The following CDH18 variants were observed in gnomAD, a reference collection of about 807,000 sequenced individuals.
CDH18 encodes cadherin 18.
A neutral mutation model predicts 67.9 loss-of-function variants in CDH18; 31 were observed. The ratio of observed to expected loss-of-function variants is 0.46; its 90% CI spans 0.34 to 0.62. CDH18 has a LOEUF of 0.62. Ranked by LOEUF, CDH18 falls within the 20% of genes least tolerant of loss-of-function variation. The pLI, the probability that CDH18 is intolerant of heterozygous loss-of-function variation, is 0.01. For synonymous variants in CDH18, 362 were observed against 347.2 expected (o/e 1.04, Z -0.48); for missense variants, 890 against 975.5 (o/e 0.91, Z 1.17).
rs370176295 is a variant in CDH18 at position 20,138,089 on chromosome 5, G to A, written c.-518+117355C>T. ...AATAAAATACTGGCAAACCGAATCC[G>A]GCAGCACATCAAAAAGCTTATCCAC... On this transcript the variant is annotated intron_variant, in intron 2 of 14. Coordinates refer to the CDH18 transcript ENST00000507958. Among the ~76,000 whole-genome samples, 134 of 151,814 alleles carry A rather than the reference G, an allele frequency of 8.8e-4. No homozygotes were observed. The South Asian group carries it at 0.017, about 20-fold the overall frequency.
chr5:20,383,898 T>C (rs1744104768), intron 1 of CDH18, among the ~76,000 whole-genome samples: 1 of 152,074 alleles, frequency 6.6e-6, no homozygotes, highest in African/African-American at 2.4e-5. Flanking sequence ...AATACAGGAA[T>C]TGATATATAA....
At chr5:20,552,185 A>G (rs1757668727) in intron 1 of CDH18, among the ~76,000 whole-genome samples, 1 of 152,098 alleles carries the variant, frequency 6.6e-6, no homozygotes, top group Non-Finnish European at 1.5e-5. Context: ...ATTAAAAAAA[A>G]AAAGCATTCA....
At chr5:20,117,331 A>T (rs1748007969) in intron 2 of CDH18, among the ~76,000 whole-genome samples, 1 of 152,176 alleles carries the variant, frequency 6.6e-6, no homozygotes, top group Non-Finnish European at 1.5e-5. Context: ...AAGTATGCCA[A>T]GAAAAATGAA....
intron 2 of CDH18, among the ~76,000 whole-genome samples, chr5:20,205,193 T>C (rs10044776): frequency 0.082 from 12,475 of 151,976 alleles, 807 homozygotes; most frequent in African/African-American, 0.17. Flanking sequence ...TTAAAACCGA[T>C]ATTACATGCA....
intron 2 of CDH18, among the ~76,000 whole-genome samples, chr5:19,925,580 C>G (rs1792992291): frequency 6.6e-6 from 1 of 152,028 alleles, no homozygotes; most frequent in Non-Finnish European, 1.5e-5. Context: ...CCTCTGCCTC[C>G]TGGGTTCAAG....
intron 2 of CDH18, among the ~76,000 whole-genome samples, chr5:19,846,703 T>C (rs1459978923): frequency 6.6e-6 from 1 of 152,096 alleles, no homozygotes; most frequent in Non-Finnish European, 1.5e-5. Context: ...AAACTGAACT[T>C]CCATATATAC....
chr5:19,839,255 G>A lies in CDH18; in HGVS notation c.-256-13C>T. ...AACCATTTTCAACCTAATGGAAAGA[G>A]AAAATTATATGTGTTACAAAACACG... On this transcript the variant is annotated splice_polypyrimidine_tract_variant and intron_variant, in intron 2 of 12. Transcript: ENST00000382275. The A allele has an allele frequency of 2.5e-6, 1 of 406,194 alleles. No individual in the cohort carries two copies. Among genetic ancestry groups the A allele is most frequent in the South Asian group, 3.5e-5 (1 of 28,634 alleles). The allele number at this position is 406,194 out of a possible 1,614,324, so 25.2% of individuals were successfully genotyped here.
At position 19,610,880 on chromosome 5, in the gene CDH18, C is replaced by A. The variant is rs191523650; in HGVS notation, c.811+1554G>T. Reference sequence around the variant, plus strand: ...ATGGCTCAATAAAATATGGACTTACCTATGATATATACTTTCTTCATAGAG... The same window carrying A: ...ATGGCTCAATAAAATATGGACTTACATATGATATATACTTTCTTCATAGAG... On this transcript the variant is annotated intron_variant, in intron 6 of 12. Transcript: ENST00000382275. Among the ~76,000 whole-genome samples, 19 of 152,144 alleles carry A rather than the reference C, an allele frequency of 1.2e-4. No homozygotes were observed. The East Asian group carries it at 3.7e-3, about 29-fold the overall frequency.
intron 1 of CDH18, among the ~76,000 whole-genome samples, chr5:20,345,723 T>C (rs973509652): frequency 2.0e-5 from 3 of 151,948 alleles, no homozygotes; most frequent in Admixed American, 6.6e-5. Context: ...CCTGAAAAAA[T>C]CCACCTCATA....
intron 9 of CDH18, among the ~76,000 whole-genome samples, chr5:19,540,220 T>C (rs1750038298): frequency 6.6e-6 from 1 of 152,072 alleles, no homozygotes; most frequent in Non-Finnish European, 1.5e-5. Flanking sequence ...AGTTCCAAAA[T>C]GATCTCCCTT....
At chr5:19,656,745 A>T (rs1271185859) in intron 5 of CDH18, among the ~76,000 whole-genome samples, 1 of 152,134 alleles carries the variant, frequency 6.6e-6, no homozygotes, top group Non-Finnish European at 1.5e-5. Context: ...ATGTTTATAC[A>T]TAGAGTAACA....
At chr5:19,635,395 T>C (rs1752993507) in intron 5 of CDH18, among the ~76,000 whole-genome samples, 1 of 152,194 alleles carries the variant, frequency 6.6e-6, no homozygotes. Flanking sequence ...AAAATACATA[T>C]GGAAACTCTA....
intron 2 of CDH18, among the ~76,000 whole-genome samples, chr5:19,920,893 G>GCACACACACA (rs70954622): frequency 0.33 from 47,809 of 145,956 alleles, 8,195 homozygotes; most frequent in South Asian, 0.42. Flanking sequence ...ACCCACAAGA[G>GCACACACACA]CACACACACA....
intron 1 of CDH18, among the ~76,000 whole-genome samples, chr5:20,388,132 A>C (rs1744475601): frequency 6.6e-6 from 1 of 152,188 alleles, no homozygotes; most frequent in Non-Finnish European, 1.5e-5. Flanking sequence ...GAATAGTGTC[A>C]GAAGGAATGG....
intron 2 of CDH18, among the ~76,000 whole-genome samples, chr5:19,980,483 T>A (rs1319756929): frequency 6.6e-6 from 1 of 152,168 alleles, no homozygotes; most frequent in Non-Finnish European, 1.5e-5. Flanking sequence ...TATGTATTTG[T>A]GAGTTTCCAT....
At chr5:19,527,953 C>T (rs542886254) in intron 9 of CDH18, among the ~76,000 whole-genome samples, 3 of 151,606 alleles carry the variant, frequency 2.0e-5, no homozygotes, top group Non-Finnish European at 4.4e-5. Flanking sequence ...TAAAGCTGTG[C>T]CTTTGCTGTT....
chr5:19,496,711 C>T (rs1023117412), intron 11 of CDH18, among the ~76,000 whole-genome samples: 2 of 147,582 alleles, frequency 1.4e-5, no homozygotes, highest in African/African-American at 2.5e-5. Context: ...ACTCGGGAGG[C>T]TGAGTTAGGA....
chr5:19,722,813 T>G (rs1766284335), intron 4 of CDH18, among the ~76,000 whole-genome samples: 1 of 152,142 alleles, frequency 6.6e-6, no homozygotes, highest in African/African-American at 2.4e-5. Context: ...TACAATCAAT[T>G]GATCTTGTAT....
intron 1 of CDH18, among the ~76,000 whole-genome samples, chr5:20,339,294 C>T (rs746056908): frequency 4.5e-4 from 68 of 152,156 alleles, no homozygotes; most frequent in Non-Finnish European, 9.1e-4. Flanking sequence ...ACAGACAGGT[C>T]TTTCCTCCTG....
Sources: gnomAD v4.1 joint callset for allele counts (sites outside exome capture counted in the v4.1 genomes callset) on GRCh38, gnomAD v4.1.1 for gene constraint, MANE v1.5 for transcripts, NCBI Gene and HGNC (gene_info 2026-07-23, HGNC 2026-07-21) for gene names.